DIAPH1: variants seen among roughly 807,000 people sequenced by gnomAD.
DIAPH1 encodes diaphanous related formin 1.
A neutral mutation model predicts 140.7 loss-of-function variants in DIAPH1; 46 were observed. The ratio of observed to expected loss-of-function variants is 0.33; its 90% CI spans 0.26 to 0.42. The LOEUF is 0.42. Ranked by LOEUF, DIAPH1 falls within the 10% of genes least tolerant of loss-of-function variation. DIAPH1 has a pLI of 1.00. For synonymous variants in DIAPH1, 565 were observed against 551.6 expected (o/e 1.02, Z -0.34); for missense variants, 1,310 against 1,558.7 (o/e 0.84, Z 2.69).
chr5:141,559,267 CT>C (rs1474957985), intron 18 of DIAPH1, among the ~76,000 whole-genome samples: 2 of 152,176 alleles, frequency 1.3e-5, no homozygotes, highest in Non-Finnish European at 2.9e-5. Context: ...AAATTCAGCA[CT>C]TTAAAACAAT....
Position 141,524,168 on chromosome 5 carries a change from G to A in DIAPH1, c.3636C>T (p.Phe1212=), listed in dbSNP as rs367747962. 1 of 1,614,140 alleles carries A rather than the reference G, an allele frequency of 6.2e-7. No homozygotes were observed. The highest frequency in any genetic ancestry group is 8.5e-7 in the Non-Finnish European group (1 of 1,180,044). ...LLEALQSGAA[F]RRKRGPRQAN... ...CTTGACGGGGCCCTCTCTTCCGTCG[G>A]AATGCTGCCCCTGACTGCAGGGCTT... Residue 1212 remains phenylalanine, a synonymous_variant, in exon 27 of 28, where the codon TTC becomes TTT. Coordinates refer to ENST00000389054, the MANE Select transcript of DIAPH1 (RefSeq NM_005219.5).
chr5:141,614,375 G>C (rs1025217148), intron 1 of DIAPH1, among the ~76,000 whole-genome samples: 10 of 151,834 alleles, frequency 6.6e-5, no homozygotes, highest in Non-Finnish European at 1.5e-4. Context: ...CCTGAGAATA[G>C]CCTGGCAATA....
At chr5:141,596,156 G>A (rs1030891600) in intron 1 of DIAPH1, among the ~76,000 whole-genome samples, 8 of 152,060 alleles carry the variant, frequency 5.3e-5, no homozygotes, top group Middle Eastern at 3.2e-3. Context: ...AGTGAAACTC[G>A]TCTCTACTAA....
At chr5:141,572,144 CA>C in intron 16 of DIAPH1, 104 bp from the exon 17 acceptor site, 4 of 780,726 alleles carry the variant, frequency 5.1e-6, no homozygotes, top group Non-Finnish European at 9.1e-6. Flanking sequence ...TGATTATCAG[CA>C]ATGTCTTACT....
chr5:141,529,519 G>C (rs535081925), intron 20 of DIAPH1, 84 bp downstream of exon 20: 1 of 1,151,532 alleles, frequency 8.7e-7, no homozygotes, highest in African/African-American at 1.5e-5. Context: ...TGCTGGAGGA[G>C]GATCCTCTTC....
chr5:141,581,498 A>T (rs1350267778), intron 7 of DIAPH1, among the ~76,000 whole-genome samples: 1 of 152,246 alleles, frequency 6.6e-6, no homozygotes, highest in Non-Finnish European at 1.5e-5. Context: ...TTCCAAGAAT[A>T]AAAGTCTTTG....
intron 18 of DIAPH1, among the ~76,000 whole-genome samples, chr5:141,550,014 G>GA (rs2099891440): frequency 6.6e-6 from 1 of 151,998 alleles, no homozygotes; most frequent in Non-Finnish European, 1.5e-5. Flanking sequence ...CAGAAAGGAA[G>GA]AAAAAGTACA....
At chr5:141,609,239 G>T (rs1244579494) in intron 1 of DIAPH1, among the ~76,000 whole-genome samples, 1 of 147,828 alleles carries the variant, frequency 6.8e-6, no homozygotes, top group Non-Finnish European at 1.5e-5. Context: ...CTTTTTTCCT[G>T]CCAACTGAAC....
At chr5:141,522,578 CAAAA>C (rs5871776) in intron 27 of DIAPH1, among the ~76,000 whole-genome samples, 26 of 88,950 alleles carry the variant, frequency 2.9e-4, no homozygotes, top group Non-Finnish European at 3.7e-4. Context: ...CCGACGGGGT[CAAAA>C]AAAAAAAAAA....
At chr5:141,567,117 A>G (rs1024796606) in intron 18 of DIAPH1, among the ~76,000 whole-genome samples, 2 of 152,160 alleles carry the variant, frequency 1.3e-5, no homozygotes, top group Non-Finnish European at 2.9e-5. Context: ...CAATTAAACT[A>G]TGGGAGATGA....
At chr5:141,523,677 G>A (rs1241487358) in intron 27 of DIAPH1, among the ~76,000 whole-genome samples, 5 of 151,562 alleles carry the variant, frequency 3.3e-5, no homozygotes, top group African/African-American at 1.2e-4. Flanking sequence ...GAATAATGAT[G>A]CCTAAACCTG....
At chr5:141,526,699 T>TG (rs765937087) in intron 24 of DIAPH1, among the ~76,000 whole-genome samples, 83 of 147,666 alleles carry the variant, frequency 5.6e-4, no homozygotes, top group African/African-American at 9.9e-4. Flanking sequence ...TGTTTGTTTG[T>TG]TTGTGTTTGT....
chr5:141,615,395 T>C (rs1437005838), intron 1 of DIAPH1, among the ~76,000 whole-genome samples: 4 of 129,434 alleles, frequency 3.1e-5, no homozygotes, highest in Non-Finnish European at 6.2e-5. Flanking sequence ...ATCGCGCCAC[T>C]GCACTGCAGC....
intron 1 of DIAPH1, among the ~76,000 whole-genome samples, chr5:141,610,759 G>C (rs891768267): frequency 6.6e-6 from 1 of 151,800 alleles, no homozygotes; most frequent in African/African-American, 2.4e-5. Flanking sequence ...CTAGCGAGAC[G>C]TCATTTCTAC....
At chr5:141,582,950 A>G (rs1304954154) in intron 6 of DIAPH1, among the ~76,000 whole-genome samples, 1 of 152,228 alleles carries the variant, frequency 6.6e-6, no homozygotes, top group Non-Finnish European at 1.5e-5. Context: ...ATTGAAAAAG[A>G]ACCAGTGCTG....
At position 141,516,756 on chromosome 5, in the gene DIAPH1, C is replaced by A; in HGVS notation, c.*95G>T. On this transcript the variant is annotated 3_prime_UTR_variant, in exon 28 of 28. Coordinates refer to ENST00000389054, the MANE Select transcript of DIAPH1 (RefSeq NM_005219.5). ...GGGTCAGGGTGGTGGGAGTGGCCAC[C>A]CCAGAGGAATATCCCCTTGAGCCTT... is the stretch of plus-strand genomic sequence containing the variant. 1.4e-6 allele frequency: 2 copies of A among 1,471,988 alleles called. No homozygotes were observed. Among genetic ancestry groups the A allele is most frequent in the Non-Finnish European group, 1.9e-6 (2 of 1,063,498 alleles). 91.2% of individuals were successfully genotyped at this position (1,471,988 alleles called of 1,614,324 possible). A position where few individuals can be genotyped will look rare whatever the true frequency, so the allele number is the denominator to read the frequency against.
chr5:141,527,730 AACAG>A lies in DIAPH1; in HGVS notation c.3149-37_3149-34del, dbSNP rs750344530. On this transcript the variant is annotated intron_variant, in intron 23 of 27. Transcript: ENST00000389054. ...AAAAAAAAAAAAAAAAAACCATAAA[AACAG>A]ACAGCAAGAGCTTACTAATAATCCC... is the stretch of plus-strand genomic sequence containing the variant. 1.4e-5 allele frequency: 22 copies of A among 1,543,096 alleles called. No homozygotes were observed. In the East Asian group the frequency reaches 2.3e-4, roughly 16 times the overall value.
chr5:141,528,447 C>T lies in DIAPH1; in HGVS notation c.3148+6G>A. The T allele has an allele frequency of 1.2e-6, 2 of 1,614,138 alleles. No homozygotes were observed. Among genetic ancestry groups the T allele is most frequent in the Non-Finnish European group, 1.7e-6 (2 of 1,180,030 alleles). The stretch of plus-strand genomic sequence containing the variant: ...TGGGCTCTAGCTTCATTCCAAACTG[C>T]CCCACCTCGGCTGGCTTTCTCCACA... On this transcript the variant is annotated splice_donor_region_variant and intron_variant, in intron 23 of 27. Coordinates refer to ENST00000389054, the MANE Select transcript of DIAPH1 (RefSeq NM_005219.5).
intron 18 of DIAPH1, among the ~76,000 whole-genome samples, chr5:141,561,364 G>GT (rs957167891): frequency 0.021 from 2,865 of 137,124 alleles, 59 homozygotes; most frequent in African/African-American, 0.045. Context: ...AAAGAGTTTT[G>GT]TTTTTTTTTT....
Sources: allele counts gnomAD v4.1 joint callset (sites outside exome capture counted in the v4.1 genomes callset), GRCh38; gene constraint gnomAD v4.1.1; transcripts MANE v1.5; gene names NCBI Gene and HGNC (gene_info 2026-07-23, HGNC 2026-07-21).